Variants in PTGFR observed in about 807,000 individuals in gnomAD.
The protein encoded by PTGFR is prostaglandin F receptor.
PTGFR carries 15 observed loss-of-function variants against 26.2 expected under a neutral mutation model. The ratio of observed to expected loss-of-function variants is 0.57; its 90% confidence interval spans 0.38 to 0.88. The LOEUF (loss-of-function observed/expected upper bound fraction) is 0.88. Ranked by LOEUF, PTGFR falls within the 40% of genes least tolerant of loss-of-function variation. The pLI, the probability that PTGFR is intolerant of heterozygous loss-of-function variation, is 0.00. For synonymous variants in PTGFR, 165 were observed against 151.1 expected (o/e 1.09, Z -0.68); for missense variants, 369 against 427.2 (o/e 0.86, Z 1.20).
At chr1:78,497,925 C>A (rs774981131) in intron 2 of PTGFR, 1 of 1,589,934 alleles carries the variant, frequency 6.3e-7, no homozygotes, top group Non-Finnish European at 8.6e-7. Context: ...ATATGAAGAG[C>A]AAAGTGATTT....
intron 2 of PTGFR, among the ~76,000 whole-genome samples, chr1:78,509,582 G>T (rs1005475883): frequency 2.0e-5 from 3 of 152,166 alleles, no homozygotes; most frequent in Admixed American, 6.5e-5. Context: ...TGAAAAGATA[G>T]TTTCCGATAC....
intron 2 of PTGFR, among the ~76,000 whole-genome samples, chr1:78,526,264 G>A (rs550130565): frequency 3.2e-4 from 48 of 152,248 alleles, no homozygotes; most frequent in Non-Finnish European, 6.0e-4. Flanking sequence ...AGGCTGTGGA[G>A]TATGGGATTG....
intron 2 of PTGFR, among the ~76,000 whole-genome samples, chr1:78,521,405 C>T (rs557153075): frequency 3.9e-5 from 6 of 152,072 alleles, no homozygotes; most frequent in East Asian, 1.9e-4. Flanking sequence ...TCTGATTGAT[C>T]GATAACAGTG....
intron 2 of PTGFR, among the ~76,000 whole-genome samples, chr1:78,533,295 A>G (rs1650566690): frequency 6.6e-6 from 1 of 152,230 alleles, no homozygotes; most frequent in South Asian, 2.1e-4. Flanking sequence ...TACAACTCAT[A>G]CAGCTCAAAT....
chr1:78,527,164 T>G (rs1204475257), intron 2 of PTGFR, among the ~76,000 whole-genome samples: 1 of 152,154 alleles, frequency 6.6e-6, no homozygotes, highest in African/African-American at 2.4e-5. Context: ...TTGGTACTTT[T>G]TCTCAGAAAG....
At chr1:78,536,362 GA>G in intron 2 of PTGFR, 43 bp from the exon 3 acceptor site, 1 of 1,552,042 alleles carries the variant, frequency 6.4e-7, no homozygotes. Context: ...TTATAGGATT[GA>G]AAAGGCTGCA....
intron 2 of PTGFR, among the ~76,000 whole-genome samples, chr1:78,499,385 T>C (rs1396060695): frequency 6.6e-6 from 1 of 152,244 alleles, no homozygotes; most frequent in Non-Finnish European, 1.5e-5. Context: ...CTTTTGCCCC[T>C]AGCACGTAAG....
Position 78,493,480 on chromosome 1 carries a change from A to C in PTGFR, c.737A>C (p.Glu246Ala). The C allele has an allele frequency of 6.3e-7, 1 of 1,591,696 alleles. No individual in the cohort carries two copies. The highest frequency in any genetic ancestry group is 8.6e-7 in the Non-Finnish European group (1 of 1,169,100). The change falls in exon 2 of 3, where the codon GAA becomes GCA. Residue 246 changes from glutamate to alanine, a missense_variant. Coordinates refer to ENST00000370757, the MANE Select transcript of PTGFR (RefSeq NM_000959.4). ...AGACAAGGCAGATCTCATCATTTGG[A>C]AATGGTAATCCAGCTCCTGGCGATA... Reference protein sequence around the residue: ...QHRQGRSHHLEMVIQLLAIMC... With the variant: ...QHRQGRSHHLAMVIQLLAIMC...
At position 78,493,349 on chromosome 1, in the gene PTGFR, T is replaced by C; in HGVS notation, c.606T>C (p.Leu202=). 5 of 1,614,094 alleles carry C rather than the reference T, an allele frequency of 3.1e-6. No homozygotes were observed. Among genetic ancestry groups the C allele is most frequent in the Non-Finnish European group, 4.2e-6 (5 of 1,180,004 alleles). ...DIKDWEDRFY[L]LLFSFLGLLA... ...AAGACTGGGAAGATAGATTTTATCT[T>C]CTACTTTTTTCTTTTCTGGGGCTCT... Residue 202 remains leucine, a synonymous_variant, in exon 2 of 3, where the codon CTT becomes CTC. Transcript: ENST00000370757.
rs1305524349 is a variant in PTGFR, at chr1:78,493,029, A to C, written c.286A>C (p.Lys96Gln). Residue 96 changes from lysine (K) to glutamine (Q), a missense_variant, in exon 2 of 3, where the codon AAA becomes CAA. Physicochemically the swap from Lys to Gln is moderately conservative, Grantham distance 53. Transcript: ENST00000370757. ...AGCAGTATTTGTATATGCTTCTGATAAAGAATGGATCCGCTTTGACCAATC... is the reference window on the plus strand; with the variant it reads ...AGCAGTATTTGTATATGCTTCTGATCAAGAATGGATCCGCTTTGACCAATC... Reference protein sequence around the residue: ...AIAVFVYASDKEWIRFDQSNV... With the variant: ...AIAVFVYASDQEWIRFDQSNV... 4 of 1,614,134 alleles carry C rather than the reference A, an allele frequency of 2.5e-6. No homozygotes were observed. The highest frequency in any genetic ancestry group is 3.4e-6 in the Non-Finnish European group (4 of 1,180,058).
chr1:78,501,461 C>T, intron 2 of PTGFR, among the ~76,000 whole-genome samples: 1 of 152,174 alleles, frequency 6.6e-6, no homozygotes, highest in Non-Finnish European at 1.5e-5. Flanking sequence ...AACCTGTCTC[C>T]TGTCTGTCCT....
intron 2 of PTGFR, among the ~76,000 whole-genome samples, chr1:78,499,768 CAT>C (rs1049971903): frequency 6.6e-6 from 1 of 152,170 alleles, no homozygotes; most frequent in African/African-American, 2.4e-5. Flanking sequence ...ATTTCATGGA[CAT>C]ACTAGGCTTG....
At chr1:78,499,532 A>G (rs1346960224) in intron 2 of PTGFR, among the ~76,000 whole-genome samples, 2 of 152,158 alleles carry the variant, frequency 1.3e-5, no homozygotes, top group African/African-American at 2.4e-5. Flanking sequence ...CCTCATTTCC[A>G]CTTTGAATTA....
chr1:78,509,490 T>C (rs2100367746), intron 2 of PTGFR, among the ~76,000 whole-genome samples: 2 of 152,352 alleles, frequency 1.3e-5, no homozygotes, highest in South Asian at 4.1e-4. Context: ...TGTTTCTTAT[T>C]TCCTAGTATA....
intron 2 of PTGFR, chr1:78,532,108 G>A: frequency 2.9e-6 from 1 of 341,472 alleles, no homozygotes; most frequent in Non-Finnish European, 5.7e-6. Flanking sequence ...TTTGGCATTT[G>A]TGAAATATTT....
At chr1:78,535,914 A>G (rs889168860) in intron 2 of PTGFR, among the ~76,000 whole-genome samples, 1 of 152,196 alleles carries the variant, frequency 6.6e-6, no homozygotes, top group African/African-American at 2.4e-5. Context: ...AATTGAAGAC[A>G]GTGGTATCCT....
chr1:78,529,759 C>T (rs1650459361), intron 2 of PTGFR, among the ~76,000 whole-genome samples: 1 of 152,166 alleles, frequency 6.6e-6, no homozygotes, highest in African/African-American at 2.4e-5. Context: ...AACCCCCAGG[C>T]CCAGGCCTTT....
chr1:78,529,818 T>C (rs974993960), intron 2 of PTGFR, among the ~76,000 whole-genome samples: 6 of 152,172 alleles, frequency 3.9e-5, no homozygotes, highest in Non-Finnish European at 5.9e-5. Flanking sequence ...GAGCAAACAT[T>C]ACCACCTGAG....
chr1:78,496,293 T>C (rs1207018364), intron 2 of PTGFR, among the ~76,000 whole-genome samples: 1 of 152,178 alleles, frequency 6.6e-6, no homozygotes, highest in Admixed American at 6.6e-5. Context: ...TAGGAGGATT[T>C]TAATAGATAT....
Sources: allele counts gnomAD v4.1 joint callset (sites outside exome capture counted in the v4.1 genomes callset), GRCh38; gene constraint gnomAD v4.1.1; transcripts MANE v1.5; gene names NCBI Gene and HGNC (gene_info 2026-07-23, HGNC 2026-07-21).